Variants in UBC observed in about 807,000 individuals in gnomAD.
The protein encoded by UBC is ubiquitin C, also known as polyubiquitin-C.
Under a neutral mutation model 34.7 loss-of-function variants are expected in UBC, and 8 were observed. That is an observed-to-expected ratio of 0.23 (90% confidence interval 0.14 to 0.42). UBC has a LOEUF of 0.42. Among genes scored for constraint, UBC ranks in the 10% least tolerant of loss-of-function variants. The pLI, the probability that UBC is intolerant of heterozygous loss-of-function variation, is 1.00. For missense variants in UBC, 323 were observed against 750.3 expected, an observed-to-expected ratio of 0.43 and a Z score of 6.65; for synonymous variants, 367 against 299.8, an observed-to-expected ratio of 1.22 and a Z score of -2.32.
intron 1 of UBC, 97 bp from the exon 2 acceptor site, chr12:124,913,871 G>C: frequency 6.5e-7 from 1 of 1,548,620 alleles, no homozygotes. Context: ...ATTTCAAAAG[G>C]TGCCTAAAAA....
chr12:124,914,007 G>C (rs563873507), intron 1 of UBC: 46 of 629,828 alleles, frequency 7.3e-5, no homozygotes, highest in Non-Finnish European at 9.7e-5. Flanking sequence ...CCCCTCACCA[G>C]AGGTCCGGCG....
chr12:124,913,943 TAAGA>T (rs1435894798), intron 1 of UBC, 169 bp from the exon 2 acceptor site: 5 of 1,044,718 alleles, frequency 4.8e-6, no homozygotes, highest in African/African-American at 1.6e-5. Context: ...TTCAGCTACT[TAAGA>T]AGATAGGTAC....
In UBC at chr12:124,912,720, C is replaced by G; in HGVS notation, c.1052G>C (p.Gly351Ala). Residue 351 changes from glycine (G) to alanine (A), a missense_variant, in exon 2 of 2, where the codon GGA becomes GCA. Around this residue, in one of 5 missense-constraint regions of UBC, gnomAD observed 66 missense variants for 125.4 expected, o/e 0.53. Coordinates refer to ENST00000339647, the MANE Select transcript of UBC (RefSeq NM_021009.7). ...PPDQQRLIFA[G>A]KQLEDGRTLS... ...GGTACGACCATCTTCCAGCTGTTTT[C>G]CGGCAAAGATCAACCTCTGCTGGTC... 6.2e-7 allele frequency: 1 copy of G among 1,607,966 alleles called. No homozygotes were observed. The highest frequency in any genetic ancestry group is 8.5e-7 in the Non-Finnish European group (1 of 1,178,524).
chr12:124,912,641 G>C lies in UBC; in HGVS notation c.1131C>G (p.Leu377=), dbSNP rs755107448. 20 of 1,592,782 alleles carry C rather than the reference G, an allele frequency of 1.3e-5. 1 individual carries two copies. Among genetic ancestry groups the C allele is most frequent in the Non-Finnish European group, 1.7e-5 (20 of 1,172,528 alleles). Residue 377 remains leucine (L), a synonymous_variant, in exon 2 of 2, where the codon CTC becomes CTG. Coordinates refer to ENST00000339647, the MANE Select transcript of UBC (RefSeq NM_021009.7). ...TCACGAAGATCTGCATCCCACCTCT[G>C]AGACGGAGCACCAGGTGCAAGGTGG... is the stretch of plus-strand genomic sequence containing the variant. ...KESTLHLVLR[L]RGGMQIFVKT...
intron 1 of UBC, 189 bp from the exon 2 acceptor site, chr12:124,913,963 A>C: frequency 1.1e-6 from 1 of 906,536 alleles, no homozygotes; most frequent in Non-Finnish European, 1.6e-6. Flanking sequence ...GGTACATAAA[A>C]CCGACCAGAG....
chr12:124,913,156 G>A lies in UBC; in HGVS notation c.616C>T (p.Arg206Cys). The A allele has an allele frequency of 6.2e-6, 10 of 1,610,746 alleles. No homozygotes were observed. The highest frequency in any genetic ancestry group is 8.5e-6 in the Non-Finnish European group (10 of 1,178,458). ...TGGATGTTGTAGTCAGACAGGGTAC[G>A]ACCATCTTCCAGCTGTTTTCCGGCA... ...IFAGKQLEDGRTLSDYNIQKE... is the reference protein window; with the variant it reads ...IFAGKQLEDGCTLSDYNIQKE... Residue 206 changes from arginine to cysteine, a missense_variant, in exon 2 of 2, where the codon CGT becomes TGT. Transcript: ENST00000339647.
At chr12:124,914,034 AG>A (rs1953570973) in intron 1 of UBC, 1 of 544,412 alleles carries the variant, frequency 1.8e-6, no homozygotes, top group African/African-American at 1.9e-5. Flanking sequence ...GATTCAGGAG[AG>A]CCTACCCTAG....
At position 124,913,473 on chromosome 12, in the gene UBC, T is replaced by C; in HGVS notation, c.299A>G (p.Glu100Gly). 1.9e-6 allele frequency: 3 copies of C among 1,611,350 alleles called. No homozygotes were observed. The highest frequency in any genetic ancestry group is 2.5e-6 in the Non-Finnish European group (3 of 1,179,054). Residue 100 changes from glutamate to glycine, a missense_variant, in exon 2 of 2, where the codon GAG (glutamate) becomes GGG (glycine). Glu to Gly is a moderately conservative substitution (Grantham distance 98). This residue lies in a region of UBC where 202 missense variants were observed against 361.9 expected (regional missense o/e 0.56). Transcript: ENST00000339647. ...GTCCTGGATCTTTGCTTTGACGTTC[T>C]CGATGGTGTCACTGGGCTCGACCTC... is the stretch of plus-strand genomic sequence containing the variant. The part of the protein sequence containing the change: ...TLEVEPSDTI[E>G]NVKAKIQDKE...
chr12:124,914,061 C>T (rs1470229610), intron 1 of UBC: 2 of 459,654 alleles, frequency 4.4e-6, no homozygotes, highest in Non-Finnish European at 7.7e-6. Context: ...AACCCTGCGT[C>T]CTGCGACGGA....
chr12:124,913,371 T>G lies in UBC; in HGVS notation c.401A>C (p.Asp134Ala), dbSNP rs1423003434. The change falls in exon 2 of 2, where the codon GAC (aspartate) becomes GCC (alanine). Residue 134 changes from aspartate to alanine, a missense_variant. By Grantham distance (126) the Asp-to-Ala change is moderately radical. Coordinates refer to ENST00000339647, the MANE Select transcript of UBC (RefSeq NM_021009.7). The stretch of plus-strand genomic sequence containing the variant: ...GGTAGACTCTTTCTGGATGTTGTAG[T>G]CAGACAGGGTGCGCCCATCTTCCAG... The part of the protein sequence containing the change: ...KQLEDGRTLS[D>A]YNIQKESTLH... 1 of 1,607,800 alleles carries G rather than the reference T, an allele frequency of 6.2e-7. No homozygotes were observed.
rs1953564980 is a variant in UBC, at chr12:124,913,852, A to C, written c.-3-78T>G. 2.7e-5 allele frequency: 42 copies of C among 1,570,078 alleles called. No homozygotes were observed. The South Asian group carries it at 4.9e-4, about 18-fold the overall frequency. On this transcript the variant is annotated intron_variant, in intron 1 of 1. Coordinates refer to ENST00000339647, the MANE Select transcript of UBC (RefSeq NM_021009.7). ...ACACTGAAAATTACATATTGACCCA[A>C]ATGATTACATTTCAAAAGGTGCCTA...
intron 1 of UBC, 116 bp from the exon 2 acceptor site, chr12:124,913,890 A>G (rs1223786540): frequency 2.5e-5 from 38 of 1,496,058 alleles, no homozygotes; most frequent in Admixed American, 8.7e-5. Context: ...AAACTTCACA[A>G]AACACACTCG....
rs559094803 is a variant in UBC, at chr12:124,913,099, G to C, written c.673C>G (p.Leu225Val). Residue 225 changes from leucine to valine, a missense_variant, in exon 2 of 2, where the codon CTC becomes GTC. Around this residue, in one of 5 missense-constraint regions of UBC, gnomAD observed 202 missense variants for 361.9 expected, o/e 0.56. Coordinates refer to ENST00000339647, the MANE Select transcript of UBC (RefSeq NM_021009.7). ...ACGAAGATTTGCATCCCACCTCTGA[G>C]ACGGAGTACCAGGTGCAAGGTGGAC... is the stretch of plus-strand genomic sequence containing the variant. ...KESTLHLVLR[L>V]RGGMQIFVKT... 1 of 1,609,324 alleles carries C rather than the reference G, an allele frequency of 6.2e-7. No homozygotes were observed. The highest frequency in any genetic ancestry group is 1.4e-5 in the African/African-American group (1 of 73,862).
In UBC at chr12:124,911,987, T is replaced by C. The variant is rs761479583; in HGVS notation, c.1785A>G (p.Lys595=). ...GGAGCACCAGGTGCAGGGTGGACTCTTTCTGGATGTTGTAGTCAGACAGGG... is the reference window on the plus strand; with the variant it reads ...GGAGCACCAGGTGCAGGGTGGACTCCTTCTGGATGTTGTAGTCAGACAGGG... ...GRTLSDYNIQ[K]ESTLHLVLRL... Residue 595 remains lysine (K), a synonymous_variant, in exon 2 of 2, where the codon AAA becomes AAG. Coordinates refer to ENST00000339647, the MANE Select transcript of UBC (RefSeq NM_021009.7). 9.5e-6 allele frequency: 15 copies of C among 1,576,726 alleles called. No homozygotes were observed. The highest frequency in any genetic ancestry group is 2.2e-5 in the East Asian group (1 of 44,514).
At position 124,911,671 on chromosome 12, in the gene UBC, AG is replaced by A. The variant is rs767135737; in HGVS notation, c.*42del. On this transcript the variant is annotated 3_prime_UTR_variant, in exon 2 of 2. Coordinates refer to ENST00000339647, the MANE Select transcript of UBC (RefSeq NM_021009.7). ...TTGGGAATGCAACAACTTTATTGAA[AG>A]GAAAGTGCAATGAAATTTGTTGAAA... is the stretch of plus-strand genomic sequence containing the variant. 3 of 1,574,358 alleles carry A rather than the reference AG, an allele frequency of 1.9e-6. No individual in the cohort carries two copies. The highest frequency in any genetic ancestry group is 2.3e-5 in the South Asian group (2 of 86,886).
chr12:124,914,574 G>C lies in UBC; in HGVS notation c.-4+13C>G, dbSNP rs1953588076. 1 of 152,708 alleles carries C rather than the reference G, an allele frequency of 6.5e-6. No individual in the cohort carries two copies. The highest frequency in any genetic ancestry group is 1.5e-5 in the Non-Finnish European group (1 of 68,476). The allele number at this position is 152,708 out of a possible 1,614,324, so 9.5% of individuals were successfully genotyped here. A position where few individuals can be genotyped will look rare whatever the true frequency, so the allele number is the denominator to read the frequency against. ...CACGAAAGCCCCGGCCAGCCCAGCA[G>C]CCCGCTACTCACCAAGTGACGATCA... On this transcript the variant is annotated intron_variant, in intron 1 of 1. Coordinates refer to ENST00000339647, the MANE Select transcript of UBC (RefSeq NM_021009.7).
rs374199992 is a variant in UBC at position 124,911,798 on chromosome 12, C to T, written c.1974G>A (p.Leu658=). 231 of 1,613,590 alleles carry T rather than the reference C, an allele frequency of 1.4e-4. No homozygotes were observed. Among genetic ancestry groups the T allele is most frequent in the Non-Finnish European group, 1.8e-4 (214 of 1,179,802 alleles). ...QQRLIFAGKQ[L]EDGRTLSDYN... ...AGTCAGACAGGGTGCGTCCATCTTC[C>T]AGCTGTTTCCCAGCAAAGATCAACC... The change falls in exon 2 of 2, where the codon CTG becomes CTA. Residue 658 remains leucine (L), a synonymous_variant. Coordinates refer to ENST00000339647, the MANE Select transcript of UBC (RefSeq NM_021009.7).
At chr12:124,914,287 G>C (rs907665639) in intron 1 of UBC, 1 of 178,352 alleles carries the variant, frequency 5.6e-6, no homozygotes, top group Non-Finnish European at 1.2e-5. Flanking sequence ...TGGTGCCCCA[G>C]CCCATCTCAC....
In UBC at chr12:124,913,091, A is replaced by C. The variant is rs1323150338; in HGVS notation, c.681T>G (p.Gly227=). Residue 227 remains glycine, a synonymous_variant, in exon 2 of 2, where the codon GGT becomes GGG. Transcript: ENST00000339647. ...STLHLVLRLR[G]GMQIFVKTLT... ...GTGTCTTCACGAAGATTTGCATCCC[A>C]CCTCTGAGACGGAGTACCAGGTGCA... 2 of 1,606,812 alleles carry C rather than the reference A, an allele frequency of 1.2e-6. No individual in the cohort carries two copies. Among genetic ancestry groups the C allele is most frequent in the Admixed American group, 3.4e-5 (2 of 59,242 alleles).
Sources: gnomAD v4.1 joint callset for allele counts on GRCh38, gnomAD v4.1.1 for gene constraint, gnomAD v4.1.1 regional missense constraint, MANE v1.5 for transcripts, NCBI Gene and HGNC (gene_info 2026-07-23, HGNC 2026-07-21) for gene names.